The following SLIT3 variants were observed in gnomAD, a reference collection of about 807,000 sequenced individuals.
SLIT3 encodes slit homolog 3 protein.
A neutral mutation model predicts 184.0 loss-of-function variants in SLIT3; 68 were observed. The observed-to-expected ratio is 0.37, with a 90% CI of 0.30 to 0.45. The LOEUF is 0.45. Ranked by LOEUF, SLIT3 falls within the 20% of genes least tolerant of loss-of-function variation. The pLI, the probability that SLIT3 is intolerant of heterozygous loss-of-function variation, is 1.00. For missense variants in SLIT3, 1,707 were observed against 2,026.0 expected, an observed-to-expected ratio of 0.84 and a Z score of 3.02; for synonymous variants, 831 against 828.6, an observed-to-expected ratio of 1.00 and a Z score of -0.05.
chr5:168,876,609 C>T (rs2113777029), intron 5 of SLIT3, among the ~76,000 whole-genome samples: 2 of 152,314 alleles, frequency 1.3e-5, no homozygotes, highest in Middle Eastern at 6.8e-3. Context: ...AGATGAACTC[C>T]TATGCATCCT....
chr5:168,911,716 G>C (rs991210988), intron 4 of SLIT3, among the ~76,000 whole-genome samples: 6 of 152,198 alleles, frequency 3.9e-5, no homozygotes, highest in Non-Finnish European at 7.4e-5. Context: ...CAGCAGTTTA[G>C]AGCATAGCAA....
intron 24 of SLIT3, among the ~76,000 whole-genome samples, chr5:168,711,877 G>A (rs1459606897): frequency 1.3e-5 from 2 of 152,162 alleles, no homozygotes; most frequent in African/African-American, 2.4e-5. Context: ...AAGTGGTTAA[G>A]AATATGTGCT....
At chr5:169,028,624 A>T (rs1756919998) in intron 4 of SLIT3, among the ~76,000 whole-genome samples, 1 of 152,258 alleles carries the variant, frequency 6.6e-6, no homozygotes, top group Non-Finnish European at 1.5e-5. Flanking sequence ...AATTGTGAGC[A>T]ATATTTTGCA....
chr5:169,253,187 T>C (rs10073845), intron 1 of SLIT3, among the ~76,000 whole-genome samples: 15,357 of 152,090 alleles, frequency 0.1, 1,655 homozygotes, highest in African/African-American at 0.26. Context: ...CTCCAAAGCA[T>C]CACACGTGTT....
intron 4 of SLIT3, among the ~76,000 whole-genome samples, chr5:169,133,193 T>C (rs934691816): frequency 9.2e-5 from 14 of 152,192 alleles, no homozygotes; most frequent in Non-Finnish European, 2.1e-4. Flanking sequence ...ACTTCCTCTT[T>C]CTCCATTCCC....
chr5:168,753,885 C>T lies in SLIT3; in HGVS notation c.1808G>A (p.Gly603Asp), dbSNP rs925294996. Reference protein sequence around the residue: ...LETVHGRVFRGLSGLKTLMLR... With the variant: ...LETVHGRVFRDLSGLKTLMLR... The stretch of plus-strand genomic sequence containing the variant: ...TCACAAGGTTTTGAGGCCACTGAGG[C>T]CACGGAACACGCGCCCGTGCACGGT... The change falls in exon 17 of 36, where the codon GGC (glycine) becomes GAC (aspartate). Residue 603 changes from glycine (G) to aspartate (D), a missense_variant. Gly to Asp is a moderately conservative substitution (Grantham distance 94). This residue lies in a region of SLIT3 where 1,307 missense variants were observed against 1,511.6 expected (regional missense o/e 0.86). Coordinates refer to ENST00000519560, the MANE Select transcript of SLIT3 (RefSeq NM_003062.4). 1 of 1,611,252 alleles carries T rather than the reference C, an allele frequency of 6.2e-7. No homozygotes were observed. The highest frequency in any genetic ancestry group is 1.3e-5 in the African/African-American group (1 of 74,900).
At chr5:168,900,381 G>A (rs1014846582) in intron 4 of SLIT3, among the ~76,000 whole-genome samples, 8 of 152,186 alleles carry the variant, frequency 5.3e-5, no homozygotes, top group African/African-American at 1.9e-4. Flanking sequence ...TTGGGAGGCT[G>A]AGGTAGGCAG....
At chr5:168,992,690 G>GCC (rs2113390885) in intron 4 of SLIT3, among the ~76,000 whole-genome samples, 1 of 152,266 alleles carries the variant, frequency 6.6e-6, no homozygotes, top group East Asian at 1.9e-4. Flanking sequence ...CTGTCCCCCT[G>GCC]CCCCAGTCCC....
chr5:169,116,339 A>G (rs1760662067), intron 4 of SLIT3, among the ~76,000 whole-genome samples: 1 of 152,194 alleles, frequency 6.6e-6, no homozygotes, highest in South Asian at 2.1e-4. Flanking sequence ...ACAGAAGATC[A>G]TAAACATGAG....
chr5:168,773,340 C>T (rs1033310547), intron 13 of SLIT3, among the ~76,000 whole-genome samples: 24 of 152,162 alleles, frequency 1.6e-4, no homozygotes, highest in East Asian at 3.8e-4. Flanking sequence ...GCAGCTGGCA[C>T]GGCGCCTGGC....
chr5:168,821,993 G>T (rs908117663), intron 7 of SLIT3, among the ~76,000 whole-genome samples: 1 of 152,108 alleles, frequency 6.6e-6, no homozygotes, highest in African/African-American at 2.4e-5. Flanking sequence ...AACTTTATGA[G>T]CATTAAAATC....
At chr5:169,224,454 A>C (rs1189084125) in intron 3 of SLIT3, among the ~76,000 whole-genome samples, 1 of 147,540 alleles carries the variant, frequency 6.8e-6, no homozygotes, top group Non-Finnish European at 1.5e-5. Context: ...TGCAGCCTCG[A>C]CCTCCTGGAG....
intron 3 of SLIT3, among the ~76,000 whole-genome samples, chr5:169,206,177 G>A (rs1271423465): frequency 6.6e-6 from 1 of 152,212 alleles, no homozygotes; most frequent in African/African-American, 2.4e-5. Flanking sequence ...GCAACACTCT[G>A]CAAAAGCACG....
intron 4 of SLIT3, among the ~76,000 whole-genome samples, chr5:169,016,575 A>T (rs576353910): frequency 2.6e-5 from 4 of 152,202 alleles, no homozygotes; most frequent in African/African-American, 9.7e-5. Context: ...CATATAATAC[A>T]TGTAATTCTT....
At chr5:169,082,805 GTACCT>G (rs1373359685) in intron 4 of SLIT3, among the ~76,000 whole-genome samples, 2 of 152,098 alleles carry the variant, frequency 1.3e-5, no homozygotes, top group African/African-American at 4.8e-5. Flanking sequence ...TACATGATTG[GTACCT>G]TACATCAGCA....
chr5:168,891,434 C>A (rs1391714773), intron 4 of SLIT3, among the ~76,000 whole-genome samples: 1 of 152,190 alleles, frequency 6.6e-6, no homozygotes, highest in Non-Finnish European at 1.5e-5. Flanking sequence ...GCACTTTGTC[C>A]TTGGACTCCT....
intron 18 of SLIT3, chr5:168,752,362 T>A (rs1754746211): frequency 6.7e-6 from 1 of 149,754 alleles, no homozygotes; most frequent in Non-Finnish European, 1.5e-5. Context: ...AGAATACAGC[T>A]CCAGTGTTTC....
intron 5 of SLIT3, among the ~76,000 whole-genome samples, chr5:168,873,850 C>T (rs865780193): frequency 6.6e-6 from 1 of 151,952 alleles, no homozygotes; most frequent in African/African-American, 2.4e-5. Flanking sequence ...CTTTTAATCA[C>T]TATACTCACT....
intron 4 of SLIT3, among the ~76,000 whole-genome samples, chr5:168,965,591 T>G (rs1467825947): frequency 6.6e-6 from 1 of 152,258 alleles, no homozygotes; most frequent in African/African-American, 2.4e-5. Flanking sequence ...CTGGTGTATC[T>G]TTTGCTCATC....
Sources: gnomAD v4.1 joint callset for allele counts (sites outside exome capture counted in the v4.1 genomes callset) on GRCh38, gnomAD v4.1.1 for gene constraint, gnomAD v4.1.1 regional missense constraint, MANE v1.5 for transcripts, NCBI Gene and HGNC (gene_info 2026-07-23, HGNC 2026-07-21) for gene names.